The following MSANTD4 variants were observed in gnomAD, a reference collection of about 807,000 sequenced individuals.
The protein encoded by MSANTD4 is myb/SANT-like DNA-binding domain-containing protein 4.
MSANTD4 carries 13 observed loss-of-function variants against 34.3 expected under a neutral mutation model. The ratio of observed to expected loss-of-function variants is 0.38; its 90% CI spans 0.25 to 0.60. The LOEUF (loss-of-function observed/expected upper bound fraction) is 0.60. Among genes scored for constraint, MSANTD4 ranks in the 20% least tolerant of loss-of-function variants. The pLI is 0.63. For synonymous variants in MSANTD4, 137 were observed against 145.2 expected (o/e 0.94, Z 0.41); for missense variants, 358 against 401.8 (o/e 0.89, Z 0.93).
chr11:106,012,083 C>A (rs906137766), intron 1 of MSANTD4, among the ~76,000 whole-genome samples: 1 of 150,998 alleles, frequency 6.6e-6, no homozygotes, highest in Non-Finnish European at 1.5e-5. Flanking sequence ...ACCCAGCCAT[C>A]CCACCTAATT....
In MSANTD4 at chr11:106,018,005, T is replaced by A. The variant is rs576320946; in HGVS notation, c.-151+2957A>T. On this transcript the variant is annotated intron_variant, in intron 1 of 2. Coordinates refer to ENST00000301919, the MANE Select transcript of MSANTD4 (RefSeq NM_032424.3). ...CCTGGGATTCTACATTTTTGACAAA[T>A]GACGTCCTCGGACCGCATCTTGAGT... Among the ~76,000 whole-genome samples the A allele has an allele frequency of 2.7e-3, 407 of 152,258 alleles. 2 individuals carry two copies. The highest frequency in any genetic ancestry group is 4.9e-3 in the Non-Finnish European group (334 of 68,016).
At chr11:106,010,209 ATACT>A in intron 2 of MSANTD4, 99 bp from the exon 3 acceptor site, 1 of 1,267,598 alleles carries the variant, frequency 7.9e-7, no homozygotes, top group Non-Finnish European at 1.1e-6. Flanking sequence ...TTGGGGAAAA[ATACT>A]TAATTTGAAT....
intron 1 of MSANTD4, among the ~76,000 whole-genome samples, 195 bp from the exon 2 acceptor site, chr11:106,011,262 G>T (rs778461438): frequency 1.1e-4 from 16 of 152,092 alleles, no homozygotes; most frequent in Non-Finnish European, 1.8e-4. Context: ...TGCTGCAAAG[G>T]TTCCTAACCA....
Position 106,010,519 on chromosome 11 carries a change from A to C in MSANTD4, c.399T>G (p.Asp133Glu). 1 of 1,614,162 alleles carries C rather than the reference A, an allele frequency of 6.2e-7. No homozygotes were observed. Among genetic ancestry groups the C allele is most frequent in the Non-Finnish European group, 8.5e-7 (1 of 1,180,020 alleles). The change falls in exon 2 of 3, where the codon GAT becomes GAG. Residue 133 changes from aspartate to glutamate, a missense_variant. Coordinates refer to ENST00000301919, the MANE Select transcript of MSANTD4 (RefSeq NM_032424.3). ...TGACCTCAGTTAAGGATCCACCTGC[A>C]TCCCTGAAATCTGCCACATTTTGCC... The part of the protein sequence containing the change: ...FDWQNVADFR[D>E]AGGSLTEVKV...
chr11:106,008,264 G>A lies in MSANTD4; in HGVS notation c.*1271C>T, dbSNP rs1394529672. 2.6e-5 allele frequency: 4 copies of A among 152,426 alleles called. No individual in the cohort carries two copies. The highest frequency in any genetic ancestry group is 7.2e-5 in the African/African-American group (3 of 41,412). The allele number at this position is 152,426 out of a possible 1,614,324, so 9.4% of individuals were successfully genotyped here. A position where few individuals can be genotyped will look rare whatever the true frequency, so the allele number is the denominator to read the frequency against. The stretch of plus-strand genomic sequence containing the variant: ...CAGGTCAAGCAAGCCCTTGGTCTCA[G>A]AATAAATATCAAAGAGACTAAAGAT... On this transcript the variant is annotated 3_prime_UTR_variant, in exon 3 of 3. Coordinates refer to ENST00000301919, the MANE Select transcript of MSANTD4 (RefSeq NM_032424.3).
Position 106,022,044 on chromosome 11 carries a change from C to A in MSANTD4, c.-1233G>T, listed in dbSNP as rs1231347850. 1 of 152,438 alleles carries A rather than the reference C, an allele frequency of 6.6e-6. No individual in the cohort carries two copies. Among genetic ancestry groups the A allele is most frequent in the East Asian group, 1.9e-4 (1 of 5,166 alleles). The allele number at this position is 152,438 out of a possible 1,614,324, so 9.4% of individuals were successfully genotyped here. On this transcript the variant is annotated 5_prime_UTR_variant, in exon 1 of 3. Coordinates refer to ENST00000301919, the MANE Select transcript of MSANTD4 (RefSeq NM_032424.3). ...GTGGCACTTCTCCCGAGCGTGCAGT[C>A]CCGCTACGTCGCAGCCCTTGGACCA...
intron 1 of MSANTD4, among the ~76,000 whole-genome samples, chr11:106,015,860 T>C (rs1257160285): frequency 6.6e-6 from 1 of 152,136 alleles, no homozygotes; most frequent in African/African-American, 2.4e-5. Flanking sequence ...TGTAGAATGC[T>C]TATAATTTTA....
In MSANTD4 at chr11:106,011,079, A is replaced by G; in HGVS notation, c.-150-12T>C. On this transcript the variant is annotated splice_polypyrimidine_tract_variant and intron_variant, in intron 1 of 2. Transcript: ENST00000301919. Reference sequence around the variant, plus strand: ...AGTCTGGATAATTCCTAAAAGGAAAAAAGTACAAGCAATCAATCAATCTGC... The same window carrying G: ...AGTCTGGATAATTCCTAAAAGGAAAGAAGTACAAGCAATCAATCAATCTGC... 7.8e-7 allele frequency: 1 copy of G among 1,281,774 alleles called. No individual in the cohort carries two copies. Among genetic ancestry groups the G allele is most frequent in the East Asian group, 2.6e-5 (1 of 38,604 alleles). The allele number at this position is 1,281,774 out of a possible 1,614,324, so 79.4% of individuals were successfully genotyped here.
chr11:106,014,911 C>T (rs1213715216), intron 1 of MSANTD4, among the ~76,000 whole-genome samples: 1 of 142,470 alleles, frequency 7.0e-6, no homozygotes, highest in African/African-American at 2.6e-5. Context: ...GTCAATTTCA[C>T]ATACCCACAA....
Position 106,009,898 on chromosome 11 carries a change from C to T in MSANTD4, c.675G>A (p.Arg225=). The change falls in exon 3 of 3, where the codon AGG becomes AGA. Residue 225 remains arginine (R), a synonymous_variant. Coordinates refer to ENST00000301919, the MANE Select transcript of MSANTD4 (RefSeq NM_032424.3). ...GTAGGCGTTCCTTTTCTACCTGCAG[C>T]CTTTCGGCCTCGATATCCAGTCGTC... ...EKRRLDIEAE[R]LQVEKERLQI... 6 of 1,613,574 alleles carry T rather than the reference C, an allele frequency of 3.7e-6. No individual in the cohort carries two copies. Among genetic ancestry groups the T allele is most frequent in the Non-Finnish European group, 4.2e-6 (5 of 1,179,916 alleles).
chr11:106,015,009 A>T (rs994039470), intron 1 of MSANTD4, among the ~76,000 whole-genome samples: 9 of 152,238 alleles, frequency 5.9e-5, no homozygotes, highest in Non-Finnish European at 1.0e-4. Context: ...AAAATTTCTC[A>T]AGAGAAATTT....
At chr11:106,010,290 G>A (rs956918712) in intron 2 of MSANTD4, among the ~76,000 whole-genome samples, 166 bp downstream of exon 2, 2 of 152,044 alleles carry the variant, frequency 1.3e-5, no homozygotes, top group Non-Finnish European at 2.9e-5. Flanking sequence ...ATTATATTTA[G>A]GTGGGAAGAA....
intron 1 of MSANTD4, among the ~76,000 whole-genome samples, chr11:106,016,475 C>T (rs183586262): frequency 2.1e-4 from 32 of 152,258 alleles, no homozygotes; most frequent in African/African-American, 7.5e-4. Flanking sequence ...AGGAGATAGT[C>T]GCCCATCTGC....
In MSANTD4 at chr11:106,010,070, A is replaced by G. The variant is rs760650682; in HGVS notation, c.503T>C (p.Ile168Thr). The G allele has an allele frequency of 6.3e-7, 1 of 1,585,002 alleles. No homozygotes were observed. The highest frequency in any genetic ancestry group is 1.1e-5 in the South Asian group (1 of 88,100). Residue 168 changes from isoleucine (I) to threonine (T), a missense_variant, in exon 3 of 3, where the codon ATA (isoleucine) becomes ACA (threonine). Physicochemically the swap from Ile to Thr is moderately conservative, Grantham distance 89. Around this residue, in one of 2 missense-constraint regions of MSANTD4, gnomAD observed 312 missense variants for 317.6 expected, o/e 0.98. Coordinates refer to ENST00000301919, the MANE Select transcript of MSANTD4 (RefSeq NM_032424.3). ...EEEEEMLSSV[I>T]PDSRRENELP... ...TTCATTTTCTCTCCTGGAATCTGGTATGACGGATGACAACATTTCTTCCTC... is the reference window on the plus strand; with the variant it reads ...TTCATTTTCTCTCCTGGAATCTGGTGTGACGGATGACAACATTTCTTCCTC...
intron 1 of MSANTD4, among the ~76,000 whole-genome samples, chr11:106,014,192 CTAACT>C (rs1447324347): frequency 6.6e-6 from 1 of 152,190 alleles, no homozygotes; most frequent in Non-Finnish European, 1.5e-5. Flanking sequence ...AAGCTGTCAG[CTAACT>C]TATGCAACTA....
At position 106,009,688 on chromosome 11, in the gene MSANTD4, T is replaced by C; in HGVS notation, c.885A>G (p.Thr295=). The change falls in exon 3 of 3, where the codon ACA becomes ACG. Residue 295 remains threonine (T), a synonymous_variant. Transcript: ENST00000301919. ...GTTCTCGCTCAAGTTTTAACTTCTC[T>C]GTTTCTATGTCCTGTGGTTGAAGCA... ...KSMLQPQDIE[T]EKLKLERERL... is the part of the protein sequence containing the mutation. 6.2e-7 allele frequency: 1 copy of C among 1,614,218 alleles called. No individual in the cohort carries two copies. The highest frequency in any genetic ancestry group is 1.3e-5 in the African/African-American group (1 of 75,042).
intron 1 of MSANTD4, among the ~76,000 whole-genome samples, chr11:106,016,146 C>T (rs1044372066): frequency 2.0e-5 from 3 of 152,188 alleles, no homozygotes; most frequent in Admixed American, 1.3e-4. Flanking sequence ...GTGTGAGCCA[C>T]CATGCTGAGC....
chr11:106,017,163 G>A (rs1242545367), intron 1 of MSANTD4, among the ~76,000 whole-genome samples: 1 of 152,204 alleles, frequency 6.6e-6, no homozygotes, highest in Admixed American at 6.5e-5. Context: ...GAGTATGGAT[G>A]TCTTAGCACA....
At chr11:106,018,459 G>A (rs1438199627) in intron 1 of MSANTD4, among the ~76,000 whole-genome samples, 1 of 152,158 alleles carries the variant, frequency 6.6e-6, no homozygotes, top group East Asian at 1.9e-4. Flanking sequence ...TCTTTGGAAT[G>A]GGGCCGGGCA....
Sources: allele counts gnomAD v4.1 joint callset (sites outside exome capture counted in the v4.1 genomes callset), GRCh38; gene constraint gnomAD v4.1.1; regional missense constraint gnomAD v4.1.1; transcripts MANE v1.5; gene names NCBI Gene and HGNC (gene_info 2026-07-23, HGNC 2026-07-21).